Variants in ART3 observed in about 807,000 individuals in gnomAD.
ART3 encodes ecto-ADP-ribosyltransferase 3.
Under a neutral mutation model 48.5 loss-of-function variants are expected in ART3, and 49 were observed. The ratio of observed to expected loss-of-function variants is 1.01; its 90% CI spans 0.80 to 1.28. The LOEUF is 1.28. Ranked by LOEUF, ART3 falls within the 50% of genes most tolerant of loss-of-function variation. The pLI, the probability that ART3 is intolerant of heterozygous loss-of-function variation, is 0.00. For missense variants in ART3, 438 were observed against 454.3 expected, an observed-to-expected ratio of 0.96 and a Z score of 0.33; for synonymous variants, 145 against 157.2, an observed-to-expected ratio of 0.92 and a Z score of 0.58.
At chr4:76,030,432 T>C (rs928395827) in intron 1 of ART3, among the ~76,000 whole-genome samples, 11 of 152,242 alleles carry the variant, frequency 7.2e-5, no homozygotes, top group African/African-American at 2.7e-4. Flanking sequence ...ATATTTCTAC[T>C]CTTACCAATA....
At chr4:76,067,819 TGAAG>T (rs2149494456) in intron 1 of ART3, among the ~76,000 whole-genome samples, 1 of 152,346 alleles carries the variant, frequency 6.6e-6, no homozygotes, top group African/African-American at 2.4e-5. Flanking sequence ...GGCCTGCCAT[TGAAG>T]AAATATCTTG....
chr4:76,035,891 G>A, intron 1 of ART3: 1 of 1,568,460 alleles, frequency 6.4e-7, no homozygotes, highest in South Asian at 1.1e-5. Flanking sequence ...ATTAGAAAAG[G>A]AACTTATAGG....
In ART3 at chr4:76,082,212, G is replaced by A; in HGVS notation, c.458G>A (p.Cys153Tyr). ...TRALQLLRKP[C>Y]EASSKTVVYR... ...GCCCTGCAGTTGCTGAGAAAACCTT[G>A]TGAGGCCAGTTCCAAAACTGTGGTA... The change falls in exon 3 of 12, where the codon TGT becomes TAT. Residue 153 changes from cysteine (C) to tyrosine (Y), a missense_variant. Coordinates refer to ENST00000355810, the MANE Select transcript of ART3 (RefSeq NM_001130016.3). The A allele has an allele frequency of 6.2e-7, 1 of 1,614,136 alleles. No homozygotes were observed. Among genetic ancestry groups the A allele is most frequent in the South Asian group, 1.1e-5 (1 of 91,076 alleles).
At chr4:76,101,199 A>T (rs1339432188) in intron 8 of ART3, among the ~76,000 whole-genome samples, 180 bp downstream of exon 8, 1 of 152,210 alleles carries the variant, frequency 6.6e-6, no homozygotes, top group Non-Finnish European at 1.5e-5. Context: ...TAGAAAAATG[A>T]CATAGCAGCT....
chr4:76,040,268 C>A (rs1021645372), intron 1 of ART3, among the ~76,000 whole-genome samples: 2 of 152,032 alleles, frequency 1.3e-5, no homozygotes, highest in Non-Finnish European at 2.9e-5. Context: ...GAAGTTGCAG[C>A]GAGCCAAGAT....
At chr4:76,095,358 A>C (rs1187394579) in intron 3 of ART3, among the ~76,000 whole-genome samples, 1 of 152,072 alleles carries the variant, frequency 6.6e-6, no homozygotes, top group African/African-American at 2.4e-5. Flanking sequence ...AAATACAAAA[A>C]TTAGCTGGAT....
At chr4:76,040,521 C>G (rs1353058719) in intron 1 of ART3, among the ~76,000 whole-genome samples, 2 of 82,462 alleles carry the variant, frequency 2.4e-5, no homozygotes, top group Admixed American at 3.2e-4. Context: ...ATCAGGTTCT[C>G]CCCCCCGCCC....
intron 1 of ART3, chr4:76,035,475 C>T (rs1310220091): frequency 6.0e-6 from 5 of 837,988 alleles, no homozygotes; most frequent in Non-Finnish European, 9.1e-6. Context: ...GCACTTAACA[C>T]AACTGTTACT....
At chr4:76,086,773 G>A (rs148315807) in intron 3 of ART3, among the ~76,000 whole-genome samples, 78 of 152,196 alleles carry the variant, frequency 5.1e-4, no homozygotes, top group African/African-American at 1.8e-3. Flanking sequence ...CCATACATTG[G>A]ACCTGACCCA....
At chr4:76,057,796 C>CTATA (rs1183385045) in intron 1 of ART3, among the ~76,000 whole-genome samples, 7 of 152,294 alleles carry the variant, frequency 4.6e-5, no homozygotes, top group African/African-American at 1.7e-4. Flanking sequence ...TTTCAATGTG[C>CTATA]TATATATGCG....
chr4:76,076,006 T>TG (rs1266343546), intron 2 of ART3, 48 bp downstream of exon 2: 6 of 1,301,170 alleles, frequency 4.6e-6, no homozygotes, highest in Non-Finnish European at 6.3e-6. Context: ...GGAAATTCGT[T>TG]TTTTTTTTTT....
chr4:76,052,268 GGT>G, intron 1 of ART3, among the ~76,000 whole-genome samples: 3 of 152,012 alleles, frequency 2.0e-5, no homozygotes, highest in African/African-American at 7.3e-5. Context: ...AATGTAGTCT[GGT>G]ATTTGAGAAT....
At chr4:76,094,468 A>C (rs1725586286) in intron 3 of ART3, among the ~76,000 whole-genome samples, 1 of 152,142 alleles carries the variant, frequency 6.6e-6, no homozygotes, top group Non-Finnish European at 1.5e-5. Context: ...TGGTAATTTT[A>C]TATTTCTAAA....
At chr4:76,066,336 T>C (rs1372094779) in intron 1 of ART3, among the ~76,000 whole-genome samples, 1 of 152,050 alleles carries the variant, frequency 6.6e-6, no homozygotes, top group Non-Finnish European at 1.5e-5. Context: ...GAGATTTATT[T>C]AGTGCTGTAA....
chr4:76,090,454 C>T (rs952974897), intron 3 of ART3, among the ~76,000 whole-genome samples: 8 of 152,178 alleles, frequency 5.3e-5, no homozygotes, highest in African/African-American at 1.9e-4. Flanking sequence ...AGCCTTGTTG[C>T]CAGAGATTCT....
upstream of ART3, among the ~76,000 whole-genome samples, chr4:76,072,719 G>A (rs12503413): frequency 0.19 from 27,866 of 147,056 alleles, 4,620 homozygotes; most frequent in African/African-American, 0.45. Context: ...GTGGCCTGCA[G>A]AGATTGACAT....
At chr4:76,027,482 G>A (rs1026650563) in intron 1 of ART3, among the ~76,000 whole-genome samples, 4 of 151,404 alleles carry the variant, frequency 2.6e-5, no homozygotes, top group Admixed American at 2.6e-4. Context: ...TCAAAAAATG[G>A]TAAAGGGGGA....
intron 1 of ART3, chr4:76,035,063 G>A (rs748931481): frequency 6.2e-7 from 1 of 1,613,334 alleles, no homozygotes; most frequent in Admixed American, 1.7e-5. Context: ...TATAAGCCTT[G>A]CTTGCTTCGA....
intron 5 of ART3, chr4:76,099,655 T>G (rs1183820410): frequency 6.5e-6 from 1 of 153,874 alleles, no homozygotes; most frequent in African/African-American, 2.4e-5. Flanking sequence ...ACTCAGCATG[T>G]TTGCATCTCT....
Sources: gnomAD v4.1 joint callset for allele counts (sites outside exome capture counted in the v4.1 genomes callset) on GRCh38, gnomAD v4.1.1 for gene constraint, MANE v1.5 for transcripts, NCBI Gene and HGNC (gene_info 2026-07-23, HGNC 2026-07-21) for gene names.